Variants in TPD52L2 observed in about 807,000 individuals in gnomAD.
TPD52L2 encodes the protein tumor protein D54.
Under a neutral mutation model 24.7 loss-of-function variants are expected in TPD52L2, and 19 were observed. That is an observed-to-expected ratio of 0.77 (90% CI 0.54 to 1.13). The LOEUF is 1.13. Among genes scored for constraint, TPD52L2 ranks in the 50% most tolerant of loss-of-function variants. The probability of loss-of-function intolerance (pLI) is 0.00; values close to 1 mark genes in which losing one functional copy is unlikely to be tolerated. For synonymous variants in TPD52L2, 104 were observed against 100.2 expected (o/e 1.04, Z -0.23); for missense variants, 236 against 250.4 (o/e 0.94, Z 0.39).
intron 2 of TPD52L2, among the ~76,000 whole-genome samples, chr20:63,870,164 A>T (rs548766114): frequency 6.6e-6 from 1 of 152,358 alleles, no homozygotes; most frequent in African/African-American, 2.4e-5. Flanking sequence ...AAAAGTATTT[A>T]TGTGATCTTC....
rs1465679885 is a variant in TPD52L2 at position 63,875,818 on chromosome 20, A to G, written c.317A>G (p.Tyr106Cys). The change falls in exon 4 of 7, where the codon TAT becomes TGT. Residue 106 changes from tyrosine to cysteine, a missense_variant and splice_region_variant. Tyr to Cys is a radical substitution (Grantham distance 194). Coordinates refer to ENST00000346249, the MANE Select transcript of TPD52L2 (RefSeq NM_003288.4). ...CACTGTAGACTTTCTGTTTTTAGCT[A>G]TGTGAAAACTTCTGAGAAACTTGGA... Reference protein sequence around the residue: ...SWHDVQVSSAYVKTSEKLGEW... With the variant: ...SWHDVQVSSACVKTSEKLGEW... The G allele has an allele frequency of 1.2e-6, 2 of 1,614,116 alleles. No individual in the cohort carries two copies.
intron 5 of TPD52L2, 156 bp from the exon 6 acceptor site, chr20:63,889,034 C>T (rs747004448): frequency 1.9e-5 from 13 of 678,000 alleles, no homozygotes; most frequent in African/African-American, 3.6e-5. Flanking sequence ...GGGGAGTCTC[C>T]GGAATGACCT....
rs1339759494 is a variant in TPD52L2 at position 63,891,372 on chromosome 20, T to C, written c.*1427T>C. The C allele has an allele frequency of 1.3e-5, 2 of 152,490 alleles. No homozygotes were observed. Among genetic ancestry groups the C allele is most frequent in the Non-Finnish European group, 1.5e-5 (1 of 68,138 alleles). The allele number at this position is 152,490 out of a possible 1,614,324, so 9.4% of individuals were successfully genotyped here. A position where few individuals can be genotyped will look rare whatever the true frequency, so the allele number is the denominator to read the frequency against. ...GATGGCACTCCACACACGACAGAGA[T>C]GCAGGGGCCAGGGAAGCCCAGCGCT... On this transcript the variant is annotated 3_prime_UTR_variant, in exon 7 of 7. Transcript: ENST00000346249. This position sits in a 1 kb window ranked among gnomAD's most constrained non-coding sequence, Gnocchi z 4.7.
At chr20:63,887,714 G>A (rs1346583993) in intron 5 of TPD52L2, 7 of 1,167,822 alleles carry the variant, frequency 6.0e-6, no homozygotes, top group Admixed American at 5.3e-5. Context: ...GATTAATTGA[G>A]GACTCCATTC....
At chr20:63,869,974 A>C (rs574640766) in intron 2 of TPD52L2, among the ~76,000 whole-genome samples, 3 of 152,210 alleles carry the variant, frequency 2.0e-5, no homozygotes, top group Admixed American at 6.5e-5. Context: ...CTCTACCCCC[A>C]AAAATTAGCC....
At chr20:63,883,832 G>GCCTGCCTC (rs2052993836) in intron 5 of TPD52L2, among the ~76,000 whole-genome samples, 2 of 147,236 alleles carry the variant, frequency 1.4e-5, no homozygotes, top group Admixed American at 7.0e-5. Context: ...CTGCCTGCCT[G>GCCTGCCTC]CCTGCCTGCC....
At chr20:63,888,226 CTGTT>C (rs1187132045) in intron 5 of TPD52L2, 8 of 155,538 alleles carry the variant, frequency 5.1e-5, no homozygotes, top group Admixed American at 5.0e-4. Flanking sequence ...GGAGGGGTAT[CTGTT>C]TGTGTGGGAG....
chr20:63,887,672 G>T, intron 5 of TPD52L2: 1 of 1,486,124 alleles, frequency 6.7e-7, no homozygotes, highest in South Asian at 1.2e-5. Flanking sequence ...GGCAGCTCCC[G>T]CCGGTTACAC....
intron 1 of TPD52L2, 130 bp downstream of exon 1, chr20:63,865,514 G>C (rs2052180761): frequency 8.2e-7 from 1 of 1,224,560 alleles, no homozygotes; most frequent in East Asian, 2.9e-5. Flanking sequence ...CCCCTCTTCA[G>C]CTCCCGGGGC....
Position 63,882,725 on chromosome 20 carries a change from G to C in TPD52L2, c.381G>C (p.Lys127Asn). Residue 127 changes from lysine (K) to asparagine (N), a missense_variant, in exon 5 of 7, where the codon AAG (lysine) becomes AAC (asparagine). Transcript: ENST00000346249. ...TAACTGGTGTGTCTTCCAGCTACAAGAAGACTCAGGAAACTCTTTCACAGG... is the reference window on the plus strand; with the variant it reads ...TAACTGGTGTGTCTTCCAGCTACAACAAGACTCAGGAAACTCTTTCACAGG... ...NEKVTQSDLY[K>N]KTQETLSQAG... is the part of the protein sequence containing the mutation. 2 of 1,614,108 alleles carry C rather than the reference G, an allele frequency of 1.2e-6. No individual in the cohort carries two copies. Among genetic ancestry groups the C allele is most frequent in the Non-Finnish European group, 1.7e-6 (2 of 1,179,944 alleles).
At chr20:63,869,734 C>T (rs1431007249) in intron 2 of TPD52L2, among the ~76,000 whole-genome samples, 1 of 152,192 alleles carries the variant, frequency 6.6e-6, no homozygotes, top group Non-Finnish European at 1.5e-5. Flanking sequence ...TCTGAGCAGC[C>T]ATCTGCTGGG....
intron 5 of TPD52L2, among the ~76,000 whole-genome samples, chr20:63,886,665 T>G (rs2053131314): frequency 7.1e-6 from 1 of 140,096 alleles, no homozygotes; most frequent in South Asian, 2.3e-4. Context: ...TTCTTTTTTT[T>G]GTTGGAGTCT....
chr20:63,887,556 C>T, intron 5 of TPD52L2: 2 of 1,613,470 alleles, frequency 1.2e-6, no homozygotes, highest in Non-Finnish European at 1.7e-6. Context: ...TGCCATGCTT[C>T]CAAGCAGCAG....
rs2052717973 is a variant in TPD52L2, at chr20:63,877,144, G to T, written c.374+1269G>T. The T allele has an allele frequency of 2.8e-6, 1 of 362,222 alleles. No homozygotes were observed. Among genetic ancestry groups the T allele is most frequent in the East Asian group, 7.4e-5 (1 of 13,540 alleles). The allele number at this position is 362,222 out of a possible 1,614,324, so 22.4% of individuals were successfully genotyped here. ...GGGTTCACACCATTCTCCTGCCTCA[G>T]CCTCCCCAGTAGCTGGGACTACAGG... is the stretch of plus-strand genomic sequence containing the variant. On this transcript the variant is annotated intron_variant, in intron 4 of 6. Transcript: ENST00000346249. The surrounding 1 kb of genome is among the most constrained non-coding windows in gnomAD (Gnocchi z 4.1).
intron 1 of TPD52L2, among the ~76,000 whole-genome samples, chr20:63,868,842 G>A (rs2052356901): frequency 1.3e-5 from 2 of 152,190 alleles, no homozygotes; most frequent in Non-Finnish European, 1.5e-5. Context: ...CTCGAAGGCT[G>A]AGACAGGAGA....
intron 5 of TPD52L2, chr20:63,887,448 C>A: frequency 8.6e-7 from 1 of 1,156,828 alleles, no homozygotes; most frequent in East Asian, 2.3e-5. Flanking sequence ...CAGCTCGCTC[C>A]AACTGCTGGG....
chr20:63,867,678 G>A (rs2052305202), intron 1 of TPD52L2, among the ~76,000 whole-genome samples: 1 of 152,170 alleles, frequency 6.6e-6, no homozygotes, highest in Non-Finnish European at 1.5e-5. Context: ...CATTTGAAGG[G>A]AGTGAGATGC....
In TPD52L2 at chr20:63,885,514, G is replaced by A. The variant is rs1007138542; in HGVS notation, c.476+2694G>A. On this transcript the variant is annotated intron_variant, in intron 5 of 6. Transcript: ENST00000346249. ...GGAGCGCAGAGCAGAAATGCTCGGC[G>A]CCAAGGGTGTCCCACATCCTCCCAC... Among the ~76,000 whole-genome samples the A allele has an allele frequency of 5.3e-5, 8 of 152,330 alleles. No homozygotes were observed. The East Asian group carries it at 1.5e-3, about 29-fold the overall frequency.
chr20:63,873,907 G>A (rs1444327307), intron 3 of TPD52L2, 91 bp downstream of exon 3: 1 of 1,369,752 alleles, frequency 7.3e-7, no homozygotes, highest in Non-Finnish European at 9.5e-7. Flanking sequence ...TCATGCCCAG[G>A]GACGAGTTGC....
Sources: gnomAD v4.1 joint callset for allele counts (sites outside exome capture counted in the v4.1 genomes callset) on GRCh38, gnomAD v4.1.1 for gene constraint, Gnocchi (gnomAD v3.1) non-coding constraint, MANE v1.5 for transcripts, NCBI Gene and HGNC (gene_info 2026-07-23, HGNC 2026-07-21) for gene names.